The following C8orf74 variants were observed in gnomAD, a reference collection of about 807,000 sequenced individuals.
C8orf74 encodes uncharacterized protein C8orf74.
Under a neutral mutation model 22.2 loss-of-function variants are expected in C8orf74, and 29 were observed. The ratio of observed to expected loss-of-function variants is 1.31; its 90% CI spans 0.97 to 1.78. C8orf74 has a LOEUF of 1.78. Among genes scored for constraint, C8orf74 ranks in the 40% most tolerant of loss-of-function variants. The pLI is 0.00. For missense variants in C8orf74, 515 were observed against 369.9 expected, an observed-to-expected ratio of 1.39 and a Z score of -3.22; for synonymous variants, 255 against 163.1, an observed-to-expected ratio of 1.56 and a Z score of -4.30.
At chr8:10,687,669 G>A (rs1032364801) in intron 2 of C8orf74, among the ~76,000 whole-genome samples, 5 of 148,878 alleles carry the variant, frequency 3.4e-5, no homozygotes, top group Non-Finnish European at 5.9e-5. Flanking sequence ...ACTGCTTCCA[G>A]TGTGAAAAGA....
chr8:10,672,695 A>G lies in C8orf74; in HGVS notation c.30A>G (p.Lys10=). ...CACTCTTAACACCCCAGGGAGTGAAAGAAGTCTTCCAACTTCAGGTGAAGG... is the reference window on the plus strand; with the variant it reads ...CACTCTTAACACCCCAGGGAGTGAAGGAAGTCTTCCAACTTCAGGTGAAGG... MALLTPQGV[K]EVFQLQRPQG... Residue 10 remains lysine (K), a synonymous_variant, in exon 1 of 4, where the codon AAA becomes AAG. Coordinates refer to ENST00000304519, the MANE Select transcript of C8orf74 (RefSeq NM_001040032.2). The G allele has an allele frequency of 6.4e-7, 1 of 1,565,178 alleles. No individual in the cohort carries two copies. Among genetic ancestry groups the G allele is most frequent in the Non-Finnish European group, 8.7e-7 (1 of 1,154,438 alleles).
chr8:10,673,905 C>A (rs1392751964), intron 1 of C8orf74, among the ~76,000 whole-genome samples: 2 of 151,620 alleles, frequency 1.3e-5, no homozygotes, highest in East Asian at 1.9e-4. Flanking sequence ...CCATATCATA[C>A]CCTGCAACCT....
chr8:10,677,401 A>G lies in C8orf74; in HGVS notation c.241+2563A>G, dbSNP rs1285917145. Among the ~76,000 whole-genome samples the G allele has an allele frequency of 2.6e-5, 4 of 152,164 alleles. No individual in the cohort carries two copies. The East Asian group carries it at 7.7e-4, about 29-fold the overall frequency. ...CATTATTCTTTTTAAAAACTCAAAT[A>G]CTTACTGAAATGCTAGCTAAATTTC... On this transcript the variant is annotated intron_variant, in intron 2 of 3. Transcript: ENST00000304519.
At chr8:10,680,095 A>G (rs773266041) in intron 2 of C8orf74, 1 of 152,320 alleles carries the variant, frequency 6.6e-6, no homozygotes, top group Non-Finnish European at 1.5e-5. Flanking sequence ...TCAATTCCCG[A>G]TGCCCATGGA....
chr8:10,696,815 T>C (rs1306317203), intron 2 of C8orf74, among the ~76,000 whole-genome samples: 1 of 151,970 alleles, frequency 6.6e-6, no homozygotes, highest in Non-Finnish European at 1.5e-5. Flanking sequence ...GAGTTAGAAG[T>C]AGAAACAAGA....
intron 2 of C8orf74, among the ~76,000 whole-genome samples, chr8:10,675,308 T>C (rs1799010028): frequency 6.6e-6 from 1 of 152,150 alleles, no homozygotes; most frequent in Admixed American, 6.5e-5. Flanking sequence ...CATTGCCCAC[T>C]CCCTGGCCCT....
rs572975674 is a variant in C8orf74, at chr8:10,698,487, A to G, written c.648+482A>G. 6.1e-4 allele frequency among the ~76,000 whole-genome samples: 93 copies of G among 152,230 alleles called. 1 individual carries two copies. Among genetic ancestry groups the G allele is most frequent in the Non-Finnish European group, 1.1e-3 (78 of 68,014 alleles). ...ATGTGACCAGGGAGACAAAGGCTGG[A>G]GCTGGGGCCCAGGGAGGACTTAGGA... On this transcript the variant is annotated intron_variant, in intron 3 of 3. Transcript: ENST00000304519.
chr8:10,684,950 C>G (rs1442704072), intron 2 of C8orf74, among the ~76,000 whole-genome samples: 1 of 152,182 alleles, frequency 6.6e-6, no homozygotes, highest in African/African-American at 2.4e-5. Flanking sequence ...TCCTAAGTGA[C>G]CAATGGGAGG....
At chr8:10,678,060 G>C (rs1437414641) in intron 2 of C8orf74, among the ~76,000 whole-genome samples, 1 of 152,186 alleles carries the variant, frequency 6.6e-6, no homozygotes, top group Non-Finnish European at 1.5e-5. Context: ...CTGAAAGCGT[G>C]TGAGGCATGG....
intron 2 of C8orf74, among the ~76,000 whole-genome samples, chr8:10,687,749 G>T (rs1047906320): frequency 6.6e-6 from 1 of 151,896 alleles, no homozygotes; most frequent in Non-Finnish European, 1.5e-5. Context: ...CACAAATTAG[G>T]AATAACTTAT....
intron 1 of C8orf74, 46 bp downstream of exon 1, chr8:10,672,759 C>T (rs1798943365): frequency 3.3e-6 from 5 of 1,524,490 alleles, no homozygotes; most frequent in African/African-American, 2.8e-5. Context: ...CTGGCTCATC[C>T]TGGGCACATA....
chr8:10,693,705 G>C (rs1368669237), intron 2 of C8orf74, among the ~76,000 whole-genome samples: 1 of 152,182 alleles, frequency 6.6e-6, no homozygotes, highest in Non-Finnish European at 1.5e-5. Flanking sequence ...TGTTCTCTCT[G>C]TTGGTAGGCC....
Position 10,672,682 on chromosome 8 carries a change from C to T in C8orf74, c.17C>T (p.Pro6Leu), listed in dbSNP as rs748533345. 2 of 1,566,150 alleles carry T rather than the reference C, an allele frequency of 1.3e-6. No homozygotes were observed. Among genetic ancestry groups the T allele is most frequent in the Admixed American group, 3.8e-5 (2 of 53,114 alleles). Residue 6 changes from proline (P) to leucine (L), a missense_variant, in exon 1 of 4, where the codon CCC (proline) becomes CTC (leucine). Coordinates refer to ENST00000304519, the MANE Select transcript of C8orf74 (RefSeq NM_001040032.2). MALLT[P>L]QGVKEVFQLQ... The stretch of plus-strand genomic sequence containing the variant: ...GCAGGGGCCATGGCACTCTTAACAC[C>T]CCAGGGAGTGAAAGAAGTCTTCCAA...
intron 3 of C8orf74, among the ~76,000 whole-genome samples, 200 bp from the exon 4 acceptor site, chr8:10,700,035 G>A (rs1009279934): frequency 4.6e-5 from 7 of 152,150 alleles, no homozygotes; most frequent in Non-Finnish European, 8.8e-5. Context: ...AGAAGATGAG[G>A]ACCTCCCCAC....
rs578192898 is a variant in C8orf74 at position 10,674,946 on chromosome 8, C to T, written c.241+108C>T. The T allele has an allele frequency of 1.7e-5, 14 of 846,958 alleles. No individual in the cohort carries two copies. In the East Asian group the frequency reaches 3.3e-4, roughly 20 times the overall value. 52.5% of individuals were successfully genotyped at this position (846,958 alleles called of 1,614,324 possible). On this transcript the variant is annotated intron_variant, in intron 2 of 3. Coordinates refer to ENST00000304519, the MANE Select transcript of C8orf74 (RefSeq NM_001040032.2). ...CCAGCAGCCTTGGAGGAGCCAGGGC[C>T]CCTTCCTGCCCTTCCCTGGCATTGG... is the stretch of plus-strand genomic sequence containing the variant.
chr8:10,675,992 G>A (rs984740410), intron 2 of C8orf74, among the ~76,000 whole-genome samples: 1 of 152,140 alleles, frequency 6.6e-6, no homozygotes, highest in Non-Finnish European at 1.5e-5. Flanking sequence ...GACATGTTCA[G>A]GGTGAGGGTC....
At chr8:10,692,671 ATT>A (rs539835848) in intron 2 of C8orf74, 5 of 144,094 alleles carry the variant, frequency 3.5e-5, no homozygotes, top group African/African-American at 1.0e-4. Context: ...CATGCTGGCT[ATT>A]TTTTTTTTTT....
intron 2 of C8orf74, chr8:10,675,850 C>A (rs952027324): frequency 6.6e-6 from 1 of 152,180 alleles, no homozygotes; most frequent in East Asian, 1.9e-4. Flanking sequence ...GACTGATAAA[C>A]CTTTCCAAAC....
At chr8:10,683,839 A>G (rs7827936) in intron 2 of C8orf74, among the ~76,000 whole-genome samples, 151,943 of 152,334 alleles carry the variant, frequency 1, 75,791 homozygotes, top group Middle Eastern at 1. Context: ...TTCTGGAGAG[A>G]AGACCTACTC....
Sources: allele counts gnomAD v4.1 joint callset (sites outside exome capture counted in the v4.1 genomes callset), GRCh38; gene constraint gnomAD v4.1.1; transcripts MANE v1.5; gene names NCBI Gene and HGNC (gene_info 2026-07-23, HGNC 2026-07-21).